The following SOX5 variants were observed in gnomAD, a reference collection of about 807,000 sequenced individuals.
The protein encoded by SOX5 is SRY-box transcription factor 5, also known as transcription factor SOX-5.
A neutral mutation model predicts 92.0 loss-of-function variants in SOX5; 9 were observed. The observed-to-expected ratio is 0.10, with a 90% confidence interval of 0.06 to 0.17. The LOEUF (loss-of-function observed/expected upper bound fraction) is 0.17. Ranked by LOEUF, SOX5 falls within the 10% of genes least tolerant of loss-of-function variation. The pLI is 1.00. For synonymous variants in SOX5, 344 were observed against 336.3 expected, an observed-to-expected ratio of 1.02 and a Z score of -0.25; for missense variants, 642 against 944.5, an observed-to-expected ratio of 0.68 and a Z score of 4.20.
intron 5 of SOX5, among the ~76,000 whole-genome samples, chr12:23,735,085 C>T (rs1214638557): frequency 1.3e-5 from 2 of 152,156 alleles, no homozygotes; most frequent in Non-Finnish European, 1.5e-5. Flanking sequence ...CAGCCCTTTT[C>T]TATAACAGAG....
chr12:23,646,994 T>C (rs559274199), intron 7 of SOX5, among the ~76,000 whole-genome samples: 1 of 152,348 alleles, frequency 6.6e-6, no homozygotes, highest in South Asian at 2.1e-4. Flanking sequence ...TTTATAATTG[T>C]AAATCTTTTC....
intron 1 of SOX5, among the ~76,000 whole-genome samples, chr12:24,422,868 A>G (rs55812682): frequency 0.02 from 2,985 of 152,206 alleles, 42 homozygotes; most frequent in Middle Eastern, 0.061. Flanking sequence ...AAAATTACCC[A>G]AGTGTGATGG....
chr12:23,687,508 G>A (rs1369313901), intron 6 of SOX5, among the ~76,000 whole-genome samples: 1 of 151,970 alleles, frequency 6.6e-6, no homozygotes, highest in African/African-American at 2.4e-5. Context: ...AAACCCTACA[G>A]CACTTTCAAT....
intron 4 of SOX5, among the ~76,000 whole-genome samples, chr12:23,995,230 T>C (rs1324234804): frequency 1.3e-5 from 2 of 152,230 alleles, no homozygotes; most frequent in East Asian, 1.9e-4. Context: ...GGATGTGATA[T>C]TTAAATATAT....
At chr12:23,996,451 C>T (rs1413305570) in intron 4 of SOX5, among the ~76,000 whole-genome samples, 1 of 152,108 alleles carries the variant, frequency 6.6e-6, no homozygotes, top group East Asian at 1.9e-4. Context: ...GAAAGTTAAA[C>T]ATAGAGTTAC....
chr12:23,911,204 C>A (rs976120488), intron 1 of SOX5, among the ~76,000 whole-genome samples: 2 of 152,020 alleles, frequency 1.3e-5, no homozygotes, highest in Non-Finnish European at 1.5e-5. Context: ...CCTTGCCTTT[C>A]CTTAAAATAC....
chr12:24,092,774 A>G (rs888814594), intron 4 of SOX5, among the ~76,000 whole-genome samples: 1 of 152,238 alleles, frequency 6.6e-6, no homozygotes, highest in African/African-American at 2.4e-5. Context: ...TTCCATTTCA[A>G]TGTGACTTGG....
At chr12:24,110,935 A>C (rs2138139856) in intron 4 of SOX5, among the ~76,000 whole-genome samples, 1 of 144,210 alleles carries the variant, frequency 6.9e-6, no homozygotes, top group African/African-American at 2.5e-5. Flanking sequence ...AAAAGAAGGT[A>C]TGGATTTAAA....
At chr12:23,767,245 CACATAT>C (rs1567599677) in intron 3 of SOX5, among the ~76,000 whole-genome samples, 1 of 140,022 alleles carries the variant, frequency 7.1e-6, no homozygotes, top group Non-Finnish European at 1.6e-5. Context: ...CACACACACA[CACATAT>C]ATATATTCAT....
At chr12:24,099,493 A>G (rs139727919) in intron 4 of SOX5, among the ~76,000 whole-genome samples, 1 of 152,266 alleles carries the variant, frequency 6.6e-6, no homozygotes, top group African/African-American at 2.4e-5. Context: ...CCTTTCATTA[A>G]TCAATCACTG....
intron 2 of SOX5, among the ~76,000 whole-genome samples, chr12:24,302,585 T>A (rs1239084203): frequency 6.6e-6 from 1 of 152,124 alleles, no homozygotes; most frequent in African/African-American, 2.4e-5. Context: ...GCATTACAAG[T>A]TCCCAGGCTA....
chr12:23,666,890 T>A (rs10842207), intron 6 of SOX5, among the ~76,000 whole-genome samples: 39,248 of 152,118 alleles, frequency 0.26, 5,273 homozygotes, highest in South Asian at 0.4. Context: ...CAGATCTGTT[T>A]TCTTGTTTTC....
intron 1 of SOX5, among the ~76,000 whole-genome samples, chr12:23,937,760 A>G (rs1422234286): frequency 6.6e-6 from 1 of 150,920 alleles, no homozygotes; most frequent in Non-Finnish European, 1.5e-5. Context: ...TTATGGAGGG[A>G]ACAAAATTTT....
At chr12:23,956,836 C>A (rs1440877418) in intron 4 of SOX5, among the ~76,000 whole-genome samples, 1 of 152,062 alleles carries the variant, frequency 6.6e-6, no homozygotes, top group Non-Finnish European at 1.5e-5. Flanking sequence ...CAAACACATG[C>A]CACCACACCC....
At chr12:24,191,479 G>A (rs1236080433) in intron 4 of SOX5, among the ~76,000 whole-genome samples, 1 of 152,176 alleles carries the variant, frequency 6.6e-6, no homozygotes, top group Non-Finnish European at 1.5e-5. Context: ...AGCTGACGGA[G>A]CTTCCAGTCC....
intron 1 of SOX5, among the ~76,000 whole-genome samples, chr12:24,486,321 A>AGT (rs1366495532): frequency 6.6e-6 from 1 of 152,138 alleles, no homozygotes; most frequent in East Asian, 1.9e-4. Context: ...CACTACCCGA[A>AGT]GTGTGAGTTT....
intron 4 of SOX5, among the ~76,000 whole-genome samples, chr12:24,020,100 A>G (rs1453685779): frequency 4.6e-5 from 7 of 152,154 alleles, no homozygotes; most frequent in Admixed American, 6.6e-5. Flanking sequence ...TTTTAAACTG[A>G]TTTACTCCTA....
chr12:23,752,571 G>A (rs1436094060), intron 4 of SOX5, among the ~76,000 whole-genome samples: 1 of 151,778 alleles, frequency 6.6e-6, no homozygotes, highest in Non-Finnish European at 1.5e-5. Flanking sequence ...CGGTGTAATG[G>A]AATTTCATGC....
intron 13 of SOX5, among the ~76,000 whole-genome samples, chr12:23,538,042 G>A (rs762363677): frequency 6.6e-6 from 1 of 151,892 alleles, no homozygotes; most frequent in Non-Finnish European, 1.5e-5. Context: ...CACAAAGACC[G>A]ATAAACTGGA....
Sources: gnomAD v4.1 joint callset for allele counts (sites outside exome capture counted in the v4.1 genomes callset) on GRCh38, gnomAD v4.1.1 for gene constraint, MANE v1.5 for transcripts, NCBI Gene and HGNC (gene_info 2026-07-23, HGNC 2026-07-21) for gene names.